The following HEPHL1 variants were observed in gnomAD, a reference collection of about 807,000 sequenced individuals.
HEPHL1 encodes ferroxidase HEPHL1.
HEPHL1 carries 123 observed loss-of-function variants against 122.0 expected under a neutral mutation model. The observed-to-expected ratio is 1.01, with a 90% CI of 0.87 to 1.17. The LOEUF is 1.17. Ranked by LOEUF, HEPHL1 falls within the 50% of genes most tolerant of loss-of-function variation. HEPHL1 has a pLI of 0.00. For synonymous variants in HEPHL1, 527 were observed against 508.9 expected (o/e 1.04, Z -0.48); for missense variants, 1,452 against 1,430.5 (o/e 1.01, Z -0.24).
chr11:94,045,768 T>C lies in HEPHL1; in HGVS notation c.266T>C (p.Ile89Thr), dbSNP rs539757301. The C allele has an allele frequency of 6.2e-6, 10 of 1,613,932 alleles. No individual in the cohort carries two copies. Among genetic ancestry groups the C allele is most frequent in the Middle Eastern group, 3.3e-4 (2 of 6,062 alleles). The change falls in exon 2 of 20, where the codon ATA (isoleucine) becomes ACA (threonine). Residue 89 changes from isoleucine to threonine, a missense_variant. Physicochemically the swap from Ile to Thr is moderately conservative, Grantham distance 89. Transcript: ENST00000315765. The stretch of plus-strand genomic sequence containing the variant: ...CGCTTCACGGATGGAACCTACTCCA[T>C]AGAGATCCCCAAACCTCCCTGGCTT... ...YRRFTDGTYS[I>T]EIPKPPWLGF...
intron 2 of HEPHL1, among the ~76,000 whole-genome samples, chr11:94,062,085 T>C (rs971832927): frequency 1.3e-5 from 2 of 152,166 alleles, no homozygotes; most frequent in African/African-American, 4.8e-5. Flanking sequence ...GTGGCTCATA[T>C]TCTTTTTAGA....
chr11:94,025,919 G>A (rs1027868728), intron 1 of HEPHL1, among the ~76,000 whole-genome samples: 3 of 152,200 alleles, frequency 2.0e-5, no homozygotes, highest in African/African-American at 4.8e-5. Flanking sequence ...GGGAACTGCT[G>A]TTCTACCCTA....
intron 4 of HEPHL1, among the ~76,000 whole-genome samples, chr11:94,064,754 G>GA (rs1174602504): frequency 6.6e-6 from 1 of 152,146 alleles, no homozygotes; most frequent in African/African-American, 2.4e-5. Context: ...AGGGCTTTGG[G>GA]AAAATGGAGG....
chr11:94,041,898 T>A (rs1945784045), intron 1 of HEPHL1, among the ~76,000 whole-genome samples: 1 of 74,188 alleles, frequency 1.3e-5, no homozygotes, highest in African/African-American at 5.8e-5. Context: ...CTAAAGAGCT[T>A]CTGCACAGCA....
intron 10 of HEPHL1, 150 bp from the exon 11 acceptor site, chr11:94,085,827 T>A (rs1045695329): frequency 8.3e-6 from 5 of 603,116 alleles, no homozygotes; most frequent in Non-Finnish European, 1.5e-5. Context: ...TTAATTTTGG[T>A]CTCCATTTTA....
At chr11:94,074,357 G>T (rs974147453) in intron 8 of HEPHL1, among the ~76,000 whole-genome samples, 2 of 151,972 alleles carry the variant, frequency 1.3e-5, no homozygotes, top group Admixed American at 1.3e-4. Context: ...ATCTCTTGAG[G>T]GAATTCAAGA....
At position 94,080,033 on chromosome 11, in the gene HEPHL1, C is replaced by T. The variant is rs146595307; in HGVS notation, c.1717-2385C>T. ...ACAAAGCTAGAAGCATCATACTACC[C>T]GACTTCAAACTATACAACAAGGCTA... On this transcript the variant is annotated intron_variant, in intron 9 of 19. Transcript: ENST00000315765. Among the ~76,000 whole-genome samples the T allele has an allele frequency of 3.5e-3, 534 of 152,180 alleles. 2 individuals are homozygous for T. The highest frequency in any genetic ancestry group is 6.1e-3 in the African/African-American group (252 of 41,514).
chr11:94,100,310 G>A (rs970295055), intron 13 of HEPHL1, among the ~76,000 whole-genome samples: 10 of 152,238 alleles, frequency 6.6e-5, no homozygotes, highest in Admixed American at 2.0e-4. Flanking sequence ...CCAACTGTCA[G>A]TGTATCTCCC....
intron 2 of HEPHL1, among the ~76,000 whole-genome samples, chr11:94,054,381 T>C (rs1945917764): frequency 6.6e-6 from 1 of 152,150 alleles, no homozygotes; most frequent in Non-Finnish European, 1.5e-5. Context: ...CATCCGGGTA[T>C]TAGGACCCTG....
intron 8 of HEPHL1, 43 bp downstream of exon 8, chr11:94,073,482 G>A (rs1334449072): frequency 6.5e-7 from 1 of 1,538,126 alleles, no homozygotes; most frequent in African/African-American, 1.4e-5. Flanking sequence ...GGACGGGTGA[G>A]CAAAGCACTT....
chr11:94,063,861 A>G (rs772999957), intron 3 of HEPHL1, 141 bp downstream of exon 3: 20 of 679,202 alleles, frequency 2.9e-5, no homozygotes, highest in Non-Finnish European at 5.1e-5. Flanking sequence ...GATCAATCTG[A>G]CACCATAGCA....
chr11:94,063,618 C>T lies in HEPHL1; in HGVS notation c.526C>T (p.Pro176Ser), dbSNP rs1039282964. 4.3e-6 allele frequency: 7 copies of T among 1,613,752 alleles called. No individual in the cohort carries two copies. The highest frequency in any genetic ancestry group is 1.3e-5 in the African/African-American group (1 of 74,916). ...WPVREEYAPTPADANCLTWVY... is the reference protein window; with the variant it reads ...WPVREEYAPTSADANCLTWVY... ...GGTGAGAGAAGAATATGCACCTACT[C>T]CAGCCGATGCCAACTGCCTGACCTG... The change falls in exon 3 of 20, where the codon CCA becomes TCA. Residue 176 changes from proline (P) to serine (S), a missense_variant. Physicochemically the swap from Pro to Ser is moderately conservative, Grantham distance 74. Transcript: ENST00000315765.
chr11:94,096,824 C>A (rs1946320201), intron 13 of HEPHL1, among the ~76,000 whole-genome samples: 1 of 152,138 alleles, frequency 6.6e-6, no homozygotes, highest in Non-Finnish European at 1.5e-5. Flanking sequence ...TTATAGTATT[C>A]TCTGATGGTA....
chr11:94,048,061 C>T (rs112867913), intron 2 of HEPHL1, among the ~76,000 whole-genome samples: 1,541 of 152,218 alleles, frequency 0.01, 26 homozygotes, highest in African/African-American at 0.036. Flanking sequence ...CTGGTAACTT[C>T]TATTCTATTT....
chr11:94,092,253 G>T (rs538178781), intron 12 of HEPHL1, among the ~76,000 whole-genome samples: 2 of 152,270 alleles, frequency 1.3e-5, no homozygotes, highest in South Asian at 4.1e-4. Context: ...ATCTGCCTTG[G>T]TAATAGATGA....
rs530273441 is a variant in HEPHL1 at position 94,026,668 on chromosome 11, T to TC, written c.170+5130_170+5131insC. Among the ~76,000 whole-genome samples the TC allele has an allele frequency of 1.7e-3, 264 of 152,300 alleles. 1 individual carries two copies. Among genetic ancestry groups the TC allele is most frequent in the African/African-American group, 6.1e-3 (255 of 41,568 alleles). On this transcript the variant is annotated intron_variant, in intron 1 of 19. Coordinates refer to ENST00000315765, the MANE Select transcript of HEPHL1 (RefSeq NM_001098672.2). ...TTTAAAAGGTTAGCACACCATGAAG[T>TC]GGGGTGACCAATCTTCTGTCTCTGG...
chr11:94,045,854 A>G lies in HEPHL1; in HGVS notation c.352A>G (p.Asn118Asp). 6.2e-7 allele frequency: 1 copy of G among 1,613,876 alleles called. No homozygotes were observed. Among genetic ancestry groups the G allele is most frequent in the Non-Finnish European group, 8.5e-7 (1 of 1,179,854 alleles). Reference protein sequence around the residue: ...VGDVIVIHLKNFASRPYSLHP... With the variant: ...VGDVIVIHLKDFASRPYSLHP... The stretch of plus-strand genomic sequence containing the variant: ...TGATGTGATTGTCATTCATTTAAAG[A>G]ACTTTGCTTCTCGACCTTACTCTCT... The change falls in exon 2 of 20, where the codon AAC (asparagine) becomes GAC (aspartate). Residue 118 changes from asparagine to aspartate, a missense_variant. Coordinates refer to ENST00000315765, the MANE Select transcript of HEPHL1 (RefSeq NM_001098672.2).
chr11:94,041,541 A>T (rs1371836711), intron 1 of HEPHL1, among the ~76,000 whole-genome samples: 136 of 90,164 alleles, frequency 1.5e-3, no homozygotes, highest in African/African-American at 6.2e-3. Flanking sequence ...GATCAATGGA[A>T]CAGAACAGAG....
chr11:94,078,246 A>C (rs1946141894), intron 9 of HEPHL1, among the ~76,000 whole-genome samples: 1 of 152,186 alleles, frequency 6.6e-6, no homozygotes, highest in South Asian at 2.1e-4. Flanking sequence ...GCCTGCAAAC[A>C]AACACTGAAA....
Sources: gnomAD v4.1 joint callset for allele counts (sites outside exome capture counted in the v4.1 genomes callset) on GRCh38, gnomAD v4.1.1 for gene constraint, MANE v1.5 for transcripts, NCBI Gene and HGNC (gene_info 2026-07-23, HGNC 2026-07-21) for gene names.